SCRG1: variants seen among roughly 807,000 people sequenced by gnomAD.
SCRG1 encodes the protein scrapie-responsive protein 1.
A neutral mutation model predicts 7.7 loss-of-function variants in SCRG1; 3 were observed. The observed-to-expected ratio is 0.39, with a 90% CI of 0.18 to 1.01. SCRG1 has a LOEUF of 1.01. Ranked by LOEUF, SCRG1 falls within the 50% of genes least tolerant of loss-of-function variation. The probability of loss-of-function intolerance (pLI) is 0.36; values close to 1 mark genes in which losing one functional copy is unlikely to be tolerated. For synonymous variants in SCRG1, 46 were observed against 41.2 expected (o/e 1.12, Z -0.44); for missense variants, 110 against 117.2 (o/e 0.94, Z 0.28).
chr4:173,400,552 A>G (rs574339359), upstream of SCRG1, among the ~76,000 whole-genome samples: 1 of 152,364 alleles, frequency 6.6e-6, no homozygotes, highest in African/African-American at 2.4e-5. Flanking sequence ...AATCAACTCA[A>G]TATCAAATAA....
rs112986478 is a variant in SCRG1 at position 173,387,991 on chromosome 4, T to C, written c.*350A>G. 0.016 allele frequency: 2,988 copies of C among 182,072 alleles called. 93 individuals are homozygous for C. Among genetic ancestry groups the C allele is most frequent in the African/African-American group, 0.066 (2,816 of 42,842 alleles). The allele number at this position is 182,072 out of a possible 1,614,324, so 11.3% of individuals were successfully genotyped here. ...CAGCTTATACCTGGTTCTTTCAATA[T>C]GTGGTTAATAACTGTCAACTAAGGA... On this transcript the variant is annotated 3_prime_UTR_variant, in exon 3 of 3. Coordinates refer to ENST00000296506, the MANE Select transcript of SCRG1 (RefSeq NM_007281.4).
At chr4:173,509,740 G>A in the SCRG1 span, among the ~76,000 whole-genome samples, 1 of 152,188 alleles carries the variant, frequency 6.6e-6, no homozygotes, top group African/African-American at 2.4e-5. The surrounding 1 kb of genome is among the most constrained non-coding windows in gnomAD (Gnocchi z 5.7). Context: ...CCTTCTCGGG[G>A]GAGATATCCA....
chr4:173,476,790 C>T, the SCRG1 span, among the ~76,000 whole-genome samples: 1 of 151,892 alleles, frequency 6.6e-6, no homozygotes, highest in Non-Finnish European at 1.5e-5. Flanking sequence ...CACAGCACTC[C>T]AGCCTGGGTG....
At chr4:173,460,857 G>A in the SCRG1 span, among the ~76,000 whole-genome samples, 1 of 152,188 alleles carries the variant, frequency 6.6e-6, no homozygotes, top group African/African-American at 2.4e-5. Context: ...GTGATTACCA[G>A]GCTAGGCAGC....
the SCRG1 span, among the ~76,000 whole-genome samples, chr4:173,492,828 A>T: frequency 6.6e-6 from 1 of 152,162 alleles, no homozygotes; most frequent in African/African-American, 2.4e-5. Flanking sequence ...CAGAACCTAA[A>T]CTGCATCCTG....
chr4:173,482,450 A>G, the SCRG1 span, among the ~76,000 whole-genome samples: 2 of 152,140 alleles, frequency 1.3e-5, no homozygotes, highest in African/African-American at 4.8e-5. Flanking sequence ...ACTTCCATCT[A>G]AACATACTGT....
chr4:173,430,444 A>G, the SCRG1 span, among the ~76,000 whole-genome samples: 4 of 152,158 alleles, frequency 2.6e-5, no homozygotes, highest in African/African-American at 9.7e-5. Flanking sequence ...GTTGCACAGG[A>G]GTCCTATAGG....
chr4:173,474,726 A>G, the SCRG1 span, among the ~76,000 whole-genome samples: 2 of 152,246 alleles, frequency 1.3e-5, no homozygotes, highest in Non-Finnish European at 2.9e-5. Flanking sequence ...GGAAAGACAC[A>G]AGAGTTGTAT....
chr4:173,501,600 G>T, the SCRG1 span, among the ~76,000 whole-genome samples: 14 of 152,266 alleles, frequency 9.2e-5, no homozygotes, highest in South Asian at 2.1e-4. The surrounding 1 kb of genome is among the most constrained non-coding windows in gnomAD (Gnocchi z 5.1). Context: ...GATTCAGAAG[G>T]GGGGGCCGGG....
the SCRG1 span, among the ~76,000 whole-genome samples, chr4:173,494,628 C>G: frequency 6.6e-6 from 1 of 152,188 alleles, no homozygotes; most frequent in Non-Finnish European, 1.5e-5. Context: ...CCCGCGCCCT[C>G]CTTTCCTCCT....
the SCRG1 span, among the ~76,000 whole-genome samples, chr4:173,417,378 G>C: frequency 6.6e-6 from 1 of 152,122 alleles, no homozygotes; most frequent in African/African-American, 2.4e-5. Context: ...TGAATCCATA[G>C]TTCTTGAATT....
At chr4:173,447,336 C>T in the SCRG1 span, among the ~76,000 whole-genome samples, 1 of 152,182 alleles carries the variant, frequency 6.6e-6, no homozygotes, top group Non-Finnish European at 1.5e-5. Flanking sequence ...AAAGACCCCA[C>T]CTCCAAATAC....
chr4:173,429,891 T>C, the SCRG1 span, among the ~76,000 whole-genome samples: 1 of 152,214 alleles, frequency 6.6e-6, no homozygotes, highest in Non-Finnish European at 1.5e-5. Context: ...ATCTGAAAGC[T>C]CTGTTACTAT....
chr4:173,484,414 AATATATATTATATATT>A, the SCRG1 span, among the ~76,000 whole-genome samples: 6 of 62,910 alleles, frequency 9.5e-5, no homozygotes, highest in African/African-American at 2.0e-4. Flanking sequence ...ATATACATAT[AATATATATTATATATT>A]ATATACATAT....
the SCRG1 span, among the ~76,000 whole-genome samples, chr4:173,429,346 G>A: frequency 6.6e-6 from 1 of 152,070 alleles, no homozygotes; most frequent in Non-Finnish European, 1.5e-5. Flanking sequence ...GTGCAGTGGT[G>A]CCATCATAGC....
the SCRG1 span, among the ~76,000 whole-genome samples, chr4:173,519,130 A>AGT: frequency 6.6e-6 from 1 of 151,316 alleles, no homozygotes; most frequent in African/African-American, 2.5e-5. Context: ...AATGCAGAGA[A>AGT]AAAATAGAGG....
the SCRG1 span, among the ~76,000 whole-genome samples, chr4:173,514,217 T>G: frequency 5.3e-5 from 8 of 152,326 alleles, no homozygotes; most frequent in African/African-American, 1.9e-4. Context: ...ATGGGGAGAC[T>G]TGTCAGTTTA....
the SCRG1 span, among the ~76,000 whole-genome samples, chr4:173,462,512 T>A: frequency 1.3e-5 from 2 of 152,016 alleles, no homozygotes; most frequent in Non-Finnish European, 2.9e-5. Flanking sequence ...ACAATAGAAG[T>A]TGAGGAATTT....
At chr4:173,406,492 T>C (rs1040341888), upstream of SCRG1, 2 of 152,248 alleles carry the variant, frequency 1.3e-5, no homozygotes, top group African/African-American at 4.8e-5. Context: ...GTAATTTGCA[T>C]GTATTAAGGT....
Sources: allele counts gnomAD v4.1 joint callset (sites outside exome capture counted in the v4.1 genomes callset), GRCh38; gene constraint gnomAD v4.1.1; non-coding constraint Gnocchi (gnomAD v3.1); transcripts MANE v1.5; gene names NCBI Gene and HGNC (gene_info 2026-07-23, HGNC 2026-07-21).